The following UQCRH variants were observed in gnomAD, a reference collection of about 807,000 sequenced individuals.
UQCRH encodes cytochrome b-c1 complex subunit 6, mitochondrial.
UQCRH carries 14 observed loss-of-function variants against 16.3 expected under a neutral mutation model. The observed-to-expected ratio is 0.86, with a 90% confidence interval of 0.57 to 1.34. The LOEUF (loss-of-function observed/expected upper bound fraction) is 1.34. UQCRH is among the 40% of genes most tolerant of loss of function. The pLI is 0.00. For synonymous variants in UQCRH, 41 were observed against 41.9 expected (o/e 0.98, Z 0.08); for missense variants, 89 against 111.9 (o/e 0.80, Z 0.92).
intron 1 of UQCRH, 56 bp from the exon 2 acceptor site, chr1:46,309,045 A>G: frequency 6.4e-7 from 1 of 1,573,844 alleles, no homozygotes; most frequent in Non-Finnish European, 8.7e-7. Context: ...CAGTATGATC[A>G]GGAATAAATA....
At chr1:46,305,668 G>A (rs145659737) in intron 1 of UQCRH, among the ~76,000 whole-genome samples, 1 of 151,832 alleles carries the variant, frequency 6.6e-6, no homozygotes, top group African/African-American at 2.4e-5. Flanking sequence ...GCAGAATGGC[G>A]TCAACCCGAG....
intron 3 of UQCRH, among the ~76,000 whole-genome samples, chr1:46,310,667 T>C (rs553129873): frequency 2.6e-4 from 39 of 152,282 alleles, no homozygotes; most frequent in Non-Finnish European, 5.1e-4. Context: ...GGGGCCTTGT[T>C]ATGTTGCCCA....
chr1:46,307,591 A>G (rs1347430650), intron 1 of UQCRH, among the ~76,000 whole-genome samples: 2 of 152,172 alleles, frequency 1.3e-5, no homozygotes, highest in African/African-American at 4.8e-5. Context: ...TGTTGCTCCC[A>G]TGGGCAGTTT....
intron 3 of UQCRH, among the ~76,000 whole-genome samples, chr1:46,313,798 G>A (rs978671375): frequency 6.6e-6 from 1 of 151,138 alleles, no homozygotes; most frequent in African/African-American, 2.4e-5. Context: ...CCATGATCAC[G>A]CCACTGCACT....
At chr1:46,309,672 A>T in intron 2 of UQCRH, 1 of 167,816 alleles carries the variant, frequency 6.0e-6, no homozygotes. Flanking sequence ...CTCCGTCTTA[A>T]AAAAAAAAAA....
chr1:46,313,707 G>A (rs1661526701), intron 3 of UQCRH, among the ~76,000 whole-genome samples: 1 of 151,794 alleles, frequency 6.6e-6, no homozygotes, highest in African/African-American at 2.4e-5. Flanking sequence ...AGGCAAGCTG[G>A]CTCACACCTG....
At position 46,315,559 on chromosome 1, in the gene UQCRH, A is replaced by G. The variant is rs1186439965; in HGVS notation, c.244-993A>G. Among the ~76,000 whole-genome samples, 3 of 143,374 alleles carry G rather than the reference A, an allele frequency of 2.1e-5. No individual in the cohort carries two copies. In the East Asian group the frequency reaches 6.2e-4, roughly 29 times the overall value. The allele number at this position is 143,374 out of a possible 152,430, so 94.1% of individuals were successfully genotyped here. A position where few individuals can be genotyped will look rare whatever the true frequency, so the allele number is the denominator to read the frequency against. ...CAGTGAGCCAAGATTGTACCACTGC[A>G]CTCCAGCCTGGGGGACAGAGCAAGA... On this transcript the variant is annotated intron_variant, in intron 3 of 3. Coordinates refer to ENST00000311672, the MANE Select transcript of UQCRH (RefSeq NM_006004.4).
intron 3 of UQCRH, among the ~76,000 whole-genome samples, chr1:46,313,997 A>G (rs1265484918): frequency 1.3e-5 from 2 of 152,232 alleles, no homozygotes; most frequent in Non-Finnish European, 2.9e-5. Context: ...AAAGGTAGAA[A>G]CAACCCAATT....
In UQCRH at chr1:46,310,136, T is replaced by C. The variant is rs1418431131; in HGVS notation, c.82-19T>C. ...CTGCTAAAAATGCCCATTTTGTTTT[T>C]TTTCTGTTTCTACATCAGGATCCCC... On this transcript the variant is annotated intron_variant, in intron 2 of 3. Coordinates refer to ENST00000311672, the MANE Select transcript of UQCRH (RefSeq NM_006004.4). The C allele has an allele frequency of 6.2e-7, 1 of 1,614,190 alleles. No individual in the cohort carries two copies. The highest frequency in any genetic ancestry group is 1.7e-5 in the Admixed American group (1 of 60,018).
chr1:46,303,901 C>T (rs1307524052), intron 1 of UQCRH, 81 bp downstream of exon 1: 24 of 1,584,506 alleles, frequency 1.5e-5, no homozygotes, highest in Admixed American at 6.7e-5. Context: ...ACGGGGCCCT[C>T]TTAGCCCCCA....
chr1:46,310,834 G>A (rs1415171531), intron 3 of UQCRH, among the ~76,000 whole-genome samples: 7 of 151,996 alleles, frequency 4.6e-5, no homozygotes, highest in African/African-American at 1.4e-4. Context: ...TTGGGAGGCC[G>A]AGGCGGGTGG....
intron 3 of UQCRH, among the ~76,000 whole-genome samples, chr1:46,315,463 G>A (rs1249037481): frequency 4.0e-5 from 6 of 151,156 alleles, no homozygotes; most frequent in Admixed American, 6.6e-5. Context: ...GTGTGGTGGC[G>A]CACACTTGTA....
chr1:46,305,619 C>G (rs962450008), intron 1 of UQCRH, among the ~76,000 whole-genome samples: 1 of 151,586 alleles, frequency 6.6e-6, no homozygotes, highest in East Asian at 2.0e-4. Flanking sequence ...CCGGGCGTGG[C>G]GGCGGGCGCC....
At position 46,303,789 on chromosome 1, in the gene UQCRH, A is replaced by G. The variant is rs1346353283; in HGVS notation, c.23A>G (p.Lys8Arg). The change falls in exon 1 of 4, where the codon AAG becomes AGG. Residue 8 changes from lysine to arginine, a missense_variant. Coordinates refer to ENST00000311672, the MANE Select transcript of UQCRH (RefSeq NM_006004.4). MGLEDEQ[K>R]MLTESGDPEE... Reference sequence around the variant, plus strand: ...GACATGGGACTGGAGGACGAGCAAAAGATGCTTACCGAATCCGGAGATCCT... The same window carrying G: ...GACATGGGACTGGAGGACGAGCAAAGGATGCTTACCGAATCCGGAGATCCT... The G allele has an allele frequency of 1.9e-6, 3 of 1,614,160 alleles. No homozygotes were observed. Among genetic ancestry groups the G allele is most frequent in the Non-Finnish European group, 2.5e-6 (3 of 1,180,020 alleles).
At chr1:46,309,244 A>G in intron 2 of UQCRH, 117 bp downstream of exon 2, 2 of 1,137,476 alleles carry the variant, frequency 1.8e-6, no homozygotes, top group Admixed American at 2.4e-5. Flanking sequence ...TGGGGGTGGA[A>G]TAAGCTTTGA....
At chr1:46,308,649 C>T (rs985186707) in intron 1 of UQCRH, among the ~76,000 whole-genome samples, 2 of 152,102 alleles carry the variant, frequency 1.3e-5, no homozygotes, top group African/African-American at 4.8e-5. Context: ...GCAGCCTGGG[C>T]AACATAATGA....
chr1:46,309,178 C>G, intron 2 of UQCRH, 51 bp downstream of exon 2: 1 of 1,588,624 alleles, frequency 6.3e-7, no homozygotes, highest in East Asian at 2.2e-5. Flanking sequence ...AGGGTTTGAG[C>G]TTCATGAAAT....
chr1:46,309,223 C>T (rs1661425205), intron 2 of UQCRH, 96 bp downstream of exon 2: 1 of 1,371,658 alleles, frequency 7.3e-7, no homozygotes, highest in Admixed American at 2.1e-5. Context: ...TACTTGATAC[C>T]TTGTAGATAA....
intron 2 of UQCRH, chr1:46,309,722 T>C (rs1360704228): frequency 1.2e-5 from 4 of 320,878 alleles, no homozygotes; most frequent in African/African-American, 6.7e-5. Flanking sequence ...ATAGTCCTTC[T>C]CTATGTTAGC....
Sources: gnomAD v4.1 joint callset for allele counts (sites outside exome capture counted in the v4.1 genomes callset) on GRCh38, gnomAD v4.1.1 for gene constraint, MANE v1.5 for transcripts, NCBI Gene and HGNC (gene_info 2026-07-23, HGNC 2026-07-21) for gene names.